RARA: variants seen among roughly 807,000 people sequenced by gnomAD.
RARA encodes the protein PML-DDX5-RARA fusion.
In RARA, 5 loss-of-function variants were observed where a neutral mutation model predicts 42.8. The ratio of observed to expected loss-of-function variants is 0.12; its 90% confidence interval spans 0.06 to 0.25. The LOEUF (loss-of-function observed/expected upper bound fraction) is 0.25. Ranked by LOEUF, RARA falls within the 10% of genes least tolerant of loss-of-function variation. The pLI is 1.00. For missense variants in RARA, 402 were observed against 628.7 expected, an observed-to-expected ratio of 0.64 and a Z score of 3.86; for synonymous variants, 256 against 259.5, an observed-to-expected ratio of 0.99 and a Z score of 0.13.
At chr17:40,324,481 G>A (rs1311972504) in intron 1 of RARA, among the ~76,000 whole-genome samples, 1 of 152,114 alleles carries the variant, frequency 6.6e-6, no homozygotes, top group Admixed American at 6.5e-5. Flanking sequence ...GGCCCCTGGG[G>A]ATGGAGGAGT....
intron 1 of RARA, among the ~76,000 whole-genome samples, chr17:40,317,059 C>A (rs1315346415): frequency 1.3e-5 from 2 of 152,236 alleles, no homozygotes; most frequent in African/African-American, 4.8e-5. Context: ...GCTCTGCAAC[C>A]GGTGCGACTG....
In RARA at chr17:40,345,180, A is replaced by G. The variant is rs1309688886; in HGVS notation, c.179-3136A>G. On this transcript the variant is annotated intron_variant, in intron 2 of 8. Transcript: ENST00000254066. This position sits in a 1 kb window ranked among gnomAD's most constrained non-coding sequence, Gnocchi z 4.8. ...ACCTCCGCCCGCTCCCAGACGTCCA[A>G]GAATGTGAAGCACGTGGATGCCCGT... The G allele has an allele frequency of 6.5e-6, 1 of 153,770 alleles. No homozygotes were observed. Among genetic ancestry groups the G allele is most frequent in the East Asian group, 1.9e-4 (1 of 5,196 alleles). The allele number at this position is 153,770 out of a possible 1,614,324, so 9.5% of individuals were successfully genotyped here.
In RARA at chr17:40,352,201, C is replaced by T. The variant is rs1226732024; in HGVS notation, c.631-130C>T. 1 of 1,495,734 alleles carries T rather than the reference C, an allele frequency of 6.7e-7. No homozygotes were observed. The highest frequency in any genetic ancestry group is 2.3e-5 in the East Asian group (1 of 43,124). The allele number at this position is 1,495,734 out of a possible 1,614,324, so 92.7% of individuals were successfully genotyped here. A position where few individuals can be genotyped will look rare whatever the true frequency, so the allele number is the denominator to read the frequency against. ...CTTCCCTTCCCCTCTCTTCTCCCTC[C>T]TCCTGCTGCCTCTTCCCAAGGAGCT... On this transcript the variant is annotated intron_variant, in intron 5 of 8. Transcript: ENST00000254066. The surrounding 1 kb of genome is among the most constrained non-coding windows in gnomAD (Gnocchi z 4.9).
intron 1 of RARA, among the ~76,000 whole-genome samples, chr17:40,318,861 C>T (rs1291549883): frequency 6.6e-6 from 1 of 152,222 alleles, no homozygotes; most frequent in African/African-American, 2.4e-5. Flanking sequence ...TCTGAGCTGC[C>T]CTGTGGTTTG....
chr17:40,316,384 A>G (rs1371457950), intron 1 of RARA, among the ~76,000 whole-genome samples: 3 of 152,350 alleles, frequency 2.0e-5, no homozygotes, highest in South Asian at 2.1e-4. Context: ...ATGTGCATAC[A>G]TGCGTCGGGG....
Position 40,352,219 on chromosome 17 carries a change from A to C in RARA, c.631-112A>C. ...CTCCCTCCTCCTGCTGCCTCTTCCC[A>C]AGGAGCTCCCAGGAAGTGAAGGCTG... On this transcript the variant is annotated intron_variant, in intron 5 of 8. Coordinates refer to ENST00000254066, the MANE Select transcript of RARA (RefSeq NM_000964.4). This position sits in a 1 kb window ranked among gnomAD's most constrained non-coding sequence, Gnocchi z 4.9. The C allele has an allele frequency of 1.3e-6, 2 of 1,499,912 alleles. No homozygotes were observed. Among genetic ancestry groups the C allele is most frequent in the East Asian group, 4.7e-5 (2 of 42,848 alleles). The allele number at this position is 1,499,912 out of a possible 1,614,324, so 92.9% of individuals were successfully genotyped here. A position where few individuals can be genotyped will look rare whatever the true frequency, so the allele number is the denominator to read the frequency against.
intron 2 of RARA, among the ~76,000 whole-genome samples, chr17:40,338,009 G>C (rs963880521): frequency 6.6e-6 from 1 of 152,250 alleles, no homozygotes; most frequent in African/African-American, 2.4e-5. Context: ...ACATGACATG[G>C]AGTTTTTAAT....
intron 2 of RARA, chr17:40,341,973 C>G (rs577797985): frequency 1.2e-5 from 13 of 1,126,112 alleles, no homozygotes; most frequent in East Asian, 4.3e-5. Context: ...TCTCCTCCCC[C>G]TTCCCAGGCT....
chr17:40,321,913 G>A (rs1042931638), intron 1 of RARA, among the ~76,000 whole-genome samples: 2 of 152,198 alleles, frequency 1.3e-5, no homozygotes, highest in Non-Finnish European at 2.9e-5. Context: ...TCTTATGGAT[G>A]ATGCCCCTGT....
chr17:40,356,019 G>A lies in RARA; in HGVS notation c.1182G>A (p.Arg394=), dbSNP rs752662972. The A allele has an allele frequency of 2.5e-6, 4 of 1,601,748 alleles. No homozygotes were observed. Among genetic ancestry groups the A allele is most frequent in the Non-Finnish European group, 3.4e-6 (4 of 1,175,370 alleles). ...CCTCCTTTCCTGCAGGGGCTGAGCG[G>A]GTGATCACGCTGAAGATGGAGATCC... ...LRSISAKGAE[R]VITLKMEIPG... The change falls in exon 9 of 9, where the codon CGG becomes CGA. Residue 394 remains arginine, a synonymous_variant. Transcript: ENST00000254066.
rs913050468 is a variant in RARA at position 40,320,216 on chromosome 17, C to T, written c.-362-10641C>T. On this transcript the variant is annotated intron_variant, in intron 1 of 8. Transcript: ENST00000254066. This position sits in a 1 kb window ranked among gnomAD's most constrained non-coding sequence, Gnocchi z 4.1. Reference sequence around the variant, plus strand: ...GGTTGAAATGGCTTAATCCTGGCCACATCCTCCTTCCTATAGCCCCTAAAT... The same window carrying T: ...GGTTGAAATGGCTTAATCCTGGCCATATCCTCCTTCCTATAGCCCCTAAAT... Among the ~76,000 whole-genome samples the T allele has an allele frequency of 1.3e-5, 2 of 152,128 alleles. No individual in the cohort carries two copies. Among genetic ancestry groups the T allele is most frequent in the African/African-American group, 2.4e-5 (1 of 41,408 alleles).
intron 1 of RARA, among the ~76,000 whole-genome samples, chr17:40,316,826 G>C (rs1360875791): frequency 6.6e-6 from 1 of 151,828 alleles, no homozygotes; most frequent in Non-Finnish European, 1.5e-5. Context: ...GGAGGGGCTG[G>C]GCGGGAGGTT....
At position 40,357,510 on chromosome 17, in the gene RARA, G is replaced by A. The variant is rs1309093964; in HGVS notation, c.*1284G>A. 4 of 230,320 alleles carry A rather than the reference G, an allele frequency of 1.7e-5. No individual in the cohort carries two copies. Among genetic ancestry groups the A allele is most frequent in the Middle Eastern group, 1.3e-3 (1 of 792 alleles). The allele number at this position is 230,320 out of a possible 1,614,324, so 14.3% of individuals were successfully genotyped here. A position where few individuals can be genotyped will look rare whatever the true frequency, so the allele number is the denominator to read the frequency against. On this transcript the variant is annotated 3_prime_UTR_variant, in exon 9 of 9. Coordinates refer to ENST00000254066, the MANE Select transcript of RARA (RefSeq NM_000964.4). Reference sequence around the variant, plus strand: ...TCCCCTCACCCCTGCACCCCCAGCTGGGGGAGCTGGCTCTGCCCCGACCTC... The same window carrying A: ...TCCCCTCACCCCTGCACCCCCAGCTAGGGGAGCTGGCTCTGCCCCGACCTC...
intron 3 of RARA, 136 bp from the exon 4 acceptor site, chr17:40,349,648 G>A (rs113557209): frequency 1.8e-6 from 2 of 1,099,382 alleles, no homozygotes; most frequent in Non-Finnish European, 2.6e-6. Context: ...AGCTTTTCTG[G>A]CCTGCTCAGG....
intron 2 of RARA, chr17:40,341,211 T>C: frequency 1.4e-6 from 1 of 726,782 alleles, no homozygotes; most frequent in Non-Finnish European, 2.0e-6. Flanking sequence ...CTTCCTTTTA[T>C]CTCTCCAGAG....
At chr17:40,327,350 G>A (rs1416057344) in intron 1 of RARA, among the ~76,000 whole-genome samples, 1 of 152,214 alleles carries the variant, frequency 6.6e-6, no homozygotes, top group Non-Finnish European at 1.5e-5. Flanking sequence ...CTCACTTTGG[G>A]TTAGCTGCCC....
intron 2 of RARA, among the ~76,000 whole-genome samples, chr17:40,346,497 C>T (rs888188378): frequency 6.6e-6 from 1 of 151,554 alleles, no homozygotes; most frequent in Non-Finnish European, 1.5e-5. Flanking sequence ...TCCACATACC[C>T]CCTTGCCCTT....
chr17:40,355,742 G>A lies in RARA; in HGVS notation c.1172-267G>A, dbSNP rs181447309. Among the ~76,000 whole-genome samples, 103 of 152,348 alleles carry A rather than the reference G, an allele frequency of 6.8e-4. No individual in the cohort carries two copies. Among genetic ancestry groups the A allele is most frequent in the African/African-American group, 2.4e-3 (101 of 41,576 alleles). On this transcript the variant is annotated intron_variant, in intron 8 of 8. Coordinates refer to ENST00000254066, the MANE Select transcript of RARA (RefSeq NM_000964.4). The surrounding 1 kb of genome is among the most constrained non-coding windows in gnomAD (Gnocchi z 4.1). ...TACAGAGGGGTCGGGATGATCCCTA[G>A]CACACAGCACAGGGGAAGGAAGGGC...
rs1479337712 is a variant in RARA at position 40,315,133 on chromosome 17, T to C, written c.-363+5847T>C. ...ATATATATATATATGCTTATATGTG[T>C]ATATATATATATATATATATATATA... is the stretch of plus-strand genomic sequence containing the variant. On this transcript the variant is annotated intron_variant, in intron 1 of 8. Transcript: ENST00000254066. Among the ~76,000 whole-genome samples, 122 of 19,322 alleles carry C rather than the reference T, an allele frequency of 6.3e-3. 2 individuals are homozygous for C. Among genetic ancestry groups the C allele is most frequent in the African/African-American group, 0.011 (109 of 10,082 alleles). 12.7% of individuals were successfully genotyped at this position (19,322 alleles called of 152,430 possible). A position where few individuals can be genotyped will look rare whatever the true frequency, so the allele number is the denominator to read the frequency against.
Sources: allele counts gnomAD v4.1 joint callset (sites outside exome capture counted in the v4.1 genomes callset), GRCh38; gene constraint gnomAD v4.1.1; non-coding constraint Gnocchi (gnomAD v3.1); transcripts MANE v1.5; gene names NCBI Gene and HGNC (gene_info 2026-07-23, HGNC 2026-07-21).